CDON: variants seen among roughly 807,000 people sequenced by gnomAD.
CDON encodes cell adhesion molecule-related/down-regulated by oncogenes.
CDON carries 73 observed loss-of-function variants against 120.9 expected under a neutral mutation model. The ratio of observed to expected loss-of-function variants is 0.60; its 90% CI spans 0.50 to 0.73. The LOEUF (loss-of-function observed/expected upper bound fraction) is 0.73. Among genes scored for constraint, CDON ranks in the 30% least tolerant of loss-of-function variants. The pLI, the probability that CDON is intolerant of heterozygous loss-of-function variation, is 0.00. For missense variants in CDON, 1,470 were observed against 1,587.3 expected, an observed-to-expected ratio of 0.93 and a Z score of 1.26; for synonymous variants, 566 against 573.5, an observed-to-expected ratio of 0.99 and a Z score of 0.19.
chr11:125,972,197 G>A (rs1175329504), intron 18 of CDON, among the ~76,000 whole-genome samples: 2 of 152,160 alleles, frequency 1.3e-5, no homozygotes, highest in Non-Finnish European at 2.9e-5. Context: ...AGGCCGAGGC[G>A]GGCAGATCAC....
In CDON at chr11:125,997,247, A is replaced by G. The variant is rs774012231; in HGVS notation, c.2322T>C (p.Pro774=). The G allele has an allele frequency of 6.2e-7, 1 of 1,614,110 alleles. No homozygotes were observed. Among genetic ancestry groups the G allele is most frequent in the East Asian group, 2.2e-5 (1 of 44,882 alleles). Residue 774 remains proline (P), a synonymous_variant, in exon 12 of 20, where the codon CCT becomes CCC. Transcript: ENST00000531738. ...SNWLVAAEDI[P]PSKLSVEVRS... ...GAACTTCCACTGAAAGTTTGGAAGG[A>G]GGGATGTCTTCAGCTGCCACCAGCC...
Position 125,961,031 on chromosome 11 carries a change from CG to C in CDON, c.3705del (p.Glu1236ArgfsTer16). On this transcript the variant is annotated frameshift_variant, in exon 20 of 20. Coordinates refer to ENST00000531738, the MANE Select transcript of CDON (RefSeq NM_001378964.1). LOFTEE classifies it high-confidence loss of function. ...CACATTGTCTTCTCAGCACAGCCCTCGGGGACAGGTGGCAAAATAAGAGCAT... is the reference window on the plus strand; with the variant it reads ...CACATTGTCTTCTCAGCACAGCCCTCGGGACAGGTGGCAAAATAAGAGCAT... ...SWNALILPPV[P>X]EGCAEKTMWS... is the part of the protein sequence containing the mutation. The C allele has an allele frequency of 6.2e-7, 1 of 1,613,990 alleles. No individual in the cohort carries two copies. The highest frequency in any genetic ancestry group is 8.5e-7 in the Non-Finnish European group (1 of 1,179,918).
At chr11:126,010,093 G>A (rs1947246855) in intron 8 of CDON, among the ~76,000 whole-genome samples, 1 of 152,098 alleles carries the variant, frequency 6.6e-6, no homozygotes, top group Non-Finnish European at 1.5e-5. Flanking sequence ...TATATTCTGG[G>A]CCTGCTCCCA....
chr11:125,966,154 T>A (rs1312137278), intron 18 of CDON, among the ~76,000 whole-genome samples: 14 of 138,150 alleles, frequency 1.0e-4, no homozygotes, highest in South Asian at 2.3e-4. Context: ...AAAAAAAAAA[T>A]TCGATAAAAA....
intron 1 of CDON, among the ~76,000 whole-genome samples, chr11:126,053,636 G>T (rs1280425482): frequency 6.6e-6 from 1 of 152,126 alleles, no homozygotes; most frequent in Non-Finnish European, 1.5e-5. Context: ...CATTTTATGA[G>T]CCAGTATCAG....
chr11:126,061,922 A>T (rs1948807044), intron 1 of CDON, among the ~76,000 whole-genome samples: 1 of 152,186 alleles, frequency 6.6e-6, no homozygotes, highest in South Asian at 2.1e-4. Context: ...AGGGCAAGAG[A>T]GTCTATCTAT....
rs542299138 is a variant in CDON, at chr11:126,039,711, T to C, written c.-61-16174A>G. On this transcript the variant is annotated intron_variant, in intron 1 of 19. Coordinates refer to ENST00000531738, the MANE Select transcript of CDON (RefSeq NM_001378964.1). The stretch of plus-strand genomic sequence containing the variant: ...CCTCAGTGTCAGCCAATGGTCTCCC[T>C]AAAGCAGCATTATCACTCTTCTCAG... 2.6e-5 allele frequency among the ~76,000 whole-genome samples: 4 copies of C among 152,284 alleles called. No individual in the cohort carries two copies. The South Asian group carries it at 8.3e-4, about 32-fold the overall frequency.
At position 126,034,687 on chromosome 11, in the gene CDON, G is replaced by C. The variant is rs543198863; in HGVS notation, c.-61-11150C>G. ...AGCATTATAAATATTTAAAAGCATA[G>C]CTGCATACAAATGGTGAAATTCTAA... On this transcript the variant is annotated intron_variant, in intron 1 of 19. Coordinates refer to ENST00000531738, the MANE Select transcript of CDON (RefSeq NM_001378964.1). The surrounding 1 kb of genome is among the most constrained non-coding windows in gnomAD (Gnocchi z 4.5). 9.9e-5 allele frequency among the ~76,000 whole-genome samples: 15 copies of C among 152,186 alleles called. No individual in the cohort carries two copies. The highest frequency in any genetic ancestry group is 2.1e-4 in the Non-Finnish European group (14 of 68,044).
intron 18 of CDON, among the ~76,000 whole-genome samples, chr11:125,971,116 G>T (rs367994103): frequency 2.6e-5 from 4 of 152,078 alleles, no homozygotes; most frequent in Non-Finnish European, 5.9e-5. Flanking sequence ...TTCTCCGGTG[G>T]CTCACGCCTG....
At chr11:126,062,444 C>T in intron 1 of CDON, 135 bp downstream of exon 1, 1 of 152,380 alleles carries the variant, frequency 6.6e-6, no homozygotes. Flanking sequence ...CGCAGCCCTG[C>T]ACCCCCACGC....
At chr11:125,998,514 G>A (rs1221305969) in intron 11 of CDON, among the ~76,000 whole-genome samples, 2 of 151,934 alleles carry the variant, frequency 1.3e-5, no homozygotes, top group African/African-American at 4.8e-5. Context: ...GGCCTCACTG[G>A]AAGCCAAGTG....
At chr11:126,011,037 G>T in intron 7 of CDON, 1 of 371,838 alleles carries the variant, frequency 2.7e-6, no homozygotes. Context: ...GACCTTAACA[G>T]GAAAAATGTG....
chr11:126,008,090 T>C (rs937101858), intron 8 of CDON, among the ~76,000 whole-genome samples: 1 of 152,116 alleles, frequency 6.6e-6, no homozygotes, highest in Admixed American at 6.5e-5. Flanking sequence ...TGCCAGCAAC[T>C]CACAACCCAA....
intron 18 of CDON, among the ~76,000 whole-genome samples, chr11:125,975,224 A>G (rs182253349): frequency 2.0e-5 from 3 of 152,304 alleles, no homozygotes. Context: ...ATTTTTTTCT[A>G]TTCTTTAAAT....
At chr11:125,978,219 C>T in intron 18 of CDON, 85 bp downstream of exon 18, 1 of 800,884 alleles carries the variant, frequency 1.2e-6, no homozygotes, top group South Asian at 1.5e-5. Context: ...GGTAAAATTC[C>T]AAGAACTTTC....
At position 126,023,158 on chromosome 11, in the gene CDON, T is replaced by A. The variant is rs201737807; in HGVS notation, c.76+243A>T. Among the ~76,000 whole-genome samples the A allele has an allele frequency of 0.29, 40,749 of 142,904 alleles. 5,718 individuals carry two copies. The highest frequency in any genetic ancestry group is 0.38 in the African/African-American group (14,531 of 38,004). The allele number at this position is 142,904 out of a possible 152,430, so 93.8% of individuals were successfully genotyped here. ...TGATTGGAAAATATGTATTTTTTTT[T>A]AAAAAATGAAAGGGATAAATTATAA... On this transcript the variant is annotated intron_variant, in intron 2 of 19. Coordinates refer to ENST00000531738, the MANE Select transcript of CDON (RefSeq NM_001378964.1).
At position 126,049,726 on chromosome 11, in the gene CDON, T is replaced by G. The variant is rs200215751; in HGVS notation, c.-62+12853A>C. On this transcript the variant is annotated intron_variant, in intron 1 of 19. Transcript: ENST00000531738. ...ATCACTTAAAACTGCAAAGCCTGAATTCATGTTGTAACACATCCAAGAAAT... is the reference window on the plus strand; with the variant it reads ...ATCACTTAAAACTGCAAAGCCTGAAGTCATGTTGTAACACATCCAAGAAAT... Among the ~76,000 whole-genome samples, 31 of 152,326 alleles carry G rather than the reference T, an allele frequency of 2.0e-4. No homozygotes were observed. In the East Asian group the frequency reaches 4.0e-3, roughly 20 times the overall value.
In CDON at chr11:125,983,802, A is replaced by G. The variant is rs60209566; in HGVS notation, c.2995+70T>C. 8,270 of 1,085,658 alleles carry G rather than the reference A, an allele frequency of 7.6e-3. 469 individuals carry two copies. The African/African-American group carries it at 0.11, about 15-fold the overall frequency. 67.3% of individuals were successfully genotyped at this position (1,085,658 alleles called of 1,614,324 possible). On this transcript the variant is annotated intron_variant, in intron 16 of 19. Coordinates refer to ENST00000531738, the MANE Select transcript of CDON (RefSeq NM_001378964.1). ...TAATATACAACAGTGTTAGAAATCA[A>G]TATTTATTCTGACAATATTTGTCTA...
At chr11:126,040,940 C>T (rs1326018066) in intron 1 of CDON, among the ~76,000 whole-genome samples, 4 of 151,138 alleles carry the variant, frequency 2.6e-5, no homozygotes, top group East Asian at 2.0e-4. Context: ...CCTGTAATCC[C>T]AGCACTTTAG....
Sources: gnomAD v4.1 joint callset for allele counts (sites outside exome capture counted in the v4.1 genomes callset) on GRCh38, gnomAD v4.1.1 for gene constraint, Gnocchi (gnomAD v3.1) non-coding constraint, MANE v1.5 for transcripts, NCBI Gene and HGNC (gene_info 2026-07-23, HGNC 2026-07-21) for gene names.